SEC14L1: variants seen among roughly 807,000 people sequenced by gnomAD.
SEC14L1 encodes the protein SEC14-like protein 1.
SEC14L1 carries 48 observed loss-of-function variants against 85.3 expected under a neutral mutation model. The ratio of observed to expected loss-of-function variants is 0.56; its 90% CI spans 0.45 to 0.72. The LOEUF (loss-of-function observed/expected upper bound fraction) is 0.72. SEC14L1 is among the 30% of genes least tolerant of loss of function. The pLI is 0.00. For synonymous variants in SEC14L1, 391 were observed against 355.5 expected (o/e 1.10, Z -1.12); for missense variants, 682 against 921.4 (o/e 0.74, Z 3.36).
At chr17:77,167,885 T>G (rs76298006) in intron 3 of SEC14L1, among the ~76,000 whole-genome samples, 3,900 of 152,310 alleles carry the variant, frequency 0.026, 67 homozygotes, top group Non-Finnish European at 0.04. Flanking sequence ...AAATTATTTC[T>G]CAGCAAGGCA....
rs532670986 is a variant in SEC14L1, at chr17:77,092,051, C to T, written c.-239-1193C>T. 4.6e-5 allele frequency among the ~76,000 whole-genome samples: 7 copies of T among 152,052 alleles called. No homozygotes were observed. In the East Asian group the frequency reaches 5.8e-4, roughly 13 times the overall value. ...GGTCTTGAACTGACTTCAGGTGATC[C>T]GCCTGCCTTAGCCTCCCAAAGTGCT... On this transcript the variant is annotated intron_variant, in intron 2 of 19. Coordinates refer to the SEC14L1 transcript ENST00000392476.
Position 77,215,375 on chromosome 17 carries a change from C to T in SEC14L1, c.*1352C>T, listed in dbSNP as rs73998671. 326 of 985,368 alleles carry T rather than the reference C, an allele frequency of 3.3e-4. 2 individuals are homozygous for T. The highest frequency in any genetic ancestry group is 8.8e-5 in the Non-Finnish European group (73 of 829,932). The allele number at this position is 985,368 out of a possible 1,614,324, so 61.0% of individuals were successfully genotyped here. On this transcript the variant is annotated 3_prime_UTR_variant, in exon 17 of 17. Transcript: ENST00000436233. The stretch of plus-strand genomic sequence containing the variant: ...ACGTGTTTCTGTGTGCAGCAGAGGC[C>T]GTGTTTTTCATGCCAAACCCCACGC...
intron 3 of SEC14L1, among the ~76,000 whole-genome samples, chr17:77,155,602 T>C (rs1973772374): frequency 6.6e-6 from 1 of 152,188 alleles, no homozygotes; most frequent in East Asian, 1.9e-4. Flanking sequence ...CAACAGCCTC[T>C]GGACCCTGAG....
intron 3 of SEC14L1, among the ~76,000 whole-genome samples, chr17:77,162,237 G>A (rs967397444): frequency 6.6e-6 from 1 of 152,188 alleles, no homozygotes; most frequent in African/African-American, 2.4e-5. Context: ...CCGTCTGCCT[G>A]GGTGGGATTC....
chr17:77,179,066 T>C (rs1974888180), intron 3 of SEC14L1, among the ~76,000 whole-genome samples: 1 of 152,188 alleles, frequency 6.6e-6, no homozygotes, highest in Admixed American at 6.5e-5. Context: ...AGCAAGAATA[T>C]ATATCATGTC....
intron 3 of SEC14L1, among the ~76,000 whole-genome samples, chr17:77,129,591 T>G (rs1028577517): frequency 6.6e-6 from 1 of 152,154 alleles, no homozygotes; most frequent in Non-Finnish European, 1.5e-5. Flanking sequence ...GTCTGAATGA[T>G]CTTCTCTTTC....
chr17:77,210,827 C>T (rs115221395), intron 14 of SEC14L1: 4 of 152,160 alleles, frequency 2.6e-5, no homozygotes, highest in Admixed American at 1.3e-4. Flanking sequence ...TCGTGTGAAT[C>T]GGGGGCATCT....
intron 3 of SEC14L1, among the ~76,000 whole-genome samples, chr17:77,113,215 A>G (rs1335919935): frequency 6.6e-6 from 1 of 152,192 alleles, no homozygotes; most frequent in Non-Finnish European, 1.5e-5. Context: ...GATTTTTACA[A>G]TATGTGAAAC....
intron 3 of SEC14L1, among the ~76,000 whole-genome samples, chr17:77,132,469 C>T (rs1445119618): frequency 1.3e-5 from 2 of 152,214 alleles, no homozygotes; most frequent in African/African-American, 2.4e-5. Context: ...AGGTGATCCA[C>T]CCGCCTCTGC....
rs1225578055 is a variant in SEC14L1, at chr17:77,190,840, C to T, written c.101C>T (p.Pro34Leu). The T allele has an allele frequency of 1.1e-5, 17 of 1,613,966 alleles. No individual in the cohort carries two copies. The highest frequency in any genetic ancestry group is 1.3e-5 in the African/African-American group (1 of 74,886). Residue 34 changes from proline (P) to leucine (L), a missense_variant, in exon 4 of 17, where the codon CCG becomes CTG. Physicochemically the swap from Pro to Leu is moderately conservative, Grantham distance 98. Around this residue, in one of 3 missense-constraint regions of SEC14L1, gnomAD observed 139 missense variants for 201.3 expected, o/e 0.69. Coordinates refer to ENST00000436233, the MANE Select transcript of SEC14L1 (RefSeq NM_001143998.2). Reference sequence around the variant, plus strand: ...AGGTTCCCTACATGTCCTTTGATTCCGATGTTCGTGGGCAGTGACACTGTG... The same window carrying T: ...AGGTTCCCTACATGTCCTTTGATTCTGATGTTCGTGGGCAGTGACACTGTG... ...ERRFPTCPLI[P>L]MFVGSDTVNE...
At chr17:77,091,706 T>C (rs905683080) in intron 2 of SEC14L1, among the ~76,000 whole-genome samples, 1 of 152,224 alleles carries the variant, frequency 6.6e-6, no homozygotes, top group Non-Finnish European at 1.5e-5. Context: ...CTTTTGCATC[T>C]CCTGCTCTTC....
At chr17:77,131,885 A>G (rs765058825) in intron 3 of SEC14L1, among the ~76,000 whole-genome samples, 8 of 152,230 alleles carry the variant, frequency 5.3e-5, no homozygotes, top group Non-Finnish European at 1.0e-4. Flanking sequence ...AGATAAACCA[A>G]CTAGTCATAG....
At chr17:77,170,648 G>A (rs1394309087) in intron 3 of SEC14L1, among the ~76,000 whole-genome samples, 7 of 152,192 alleles carry the variant, frequency 4.6e-5, no homozygotes, top group African/African-American at 1.4e-4. Context: ...GTCCTTTTGC[G>A]GGGCTGTTTG....
intron 3 of SEC14L1, among the ~76,000 whole-genome samples, chr17:77,095,547 G>A (rs886262237): frequency 3.3e-5 from 5 of 152,168 alleles, no homozygotes; most frequent in Non-Finnish European, 7.4e-5. Flanking sequence ...GCCTTCATTG[G>A]CTGGGCATGG....
intron 15 of SEC14L1, 89 bp downstream of exon 15, chr17:77,212,290 G>A: frequency 6.5e-7 from 1 of 1,541,410 alleles, no homozygotes. Context: ...TTCGCTCCTT[G>A]AGCAGCCCTG....
Position 77,172,548 on chromosome 17 carries a change from G to A in SEC14L1, c.64-18255G>A, listed in dbSNP as rs114551511. On this transcript the variant is annotated intron_variant, in intron 3 of 16. Coordinates refer to ENST00000436233, the MANE Select transcript of SEC14L1 (RefSeq NM_001143998.2). ...TTTTGTTTTTGCTTTTCTTTTCCTC[G>A]TCTTTTCGTACATATACCTTTTGAG... Among the ~76,000 whole-genome samples, 1,200 of 152,042 alleles carry A rather than the reference G, an allele frequency of 7.9e-3. 14 individuals are homozygous for A. Among genetic ancestry groups the A allele is most frequent in the African/African-American group, 0.027 (1,131 of 41,450 alleles).
chr17:77,170,361 T>G (rs1598338810), intron 3 of SEC14L1, among the ~76,000 whole-genome samples: 1 of 152,186 alleles, frequency 6.6e-6, no homozygotes, highest in African/African-American at 2.4e-5. Flanking sequence ...GTTTCAGTTT[T>G]TAGAAGTACT....
At chr17:77,162,451 A>G (rs887947072) in intron 3 of SEC14L1, among the ~76,000 whole-genome samples, 2 of 152,178 alleles carry the variant, frequency 1.3e-5, no homozygotes, top group African/African-American at 4.8e-5. Context: ...CAGTGTCTTC[A>G]ATTTCTTCTG....
intron 3 of SEC14L1, among the ~76,000 whole-genome samples, chr17:77,095,948 T>C (rs1486805810): frequency 6.6e-6 from 1 of 152,068 alleles, no homozygotes; most frequent in Non-Finnish European, 1.5e-5. Flanking sequence ...GAGGGAGGCC[T>C]AGACTCCATG....
Sources: allele counts gnomAD v4.1 joint callset (sites outside exome capture counted in the v4.1 genomes callset), GRCh38; gene constraint gnomAD v4.1.1; regional missense constraint gnomAD v4.1.1; transcripts MANE v1.5; gene names NCBI Gene and HGNC (gene_info 2026-07-23, HGNC 2026-07-21).